Variants in FBXO42 observed in about 807,000 individuals in gnomAD.
FBXO42 encodes F-box protein 42.
A neutral mutation model predicts 71.7 loss-of-function variants in FBXO42; 12 were observed. The ratio of observed to expected loss-of-function variants is 0.17; its 90% confidence interval spans 0.11 to 0.27. The LOEUF is 0.27. FBXO42 is among the 10% of genes least tolerant of loss of function. FBXO42 has a pLI of 1.00. For missense variants in FBXO42, 707 were observed against 911.9 expected, an observed-to-expected ratio of 0.78 and a Z score of 2.89; for synonymous variants, 325 against 327.5, an observed-to-expected ratio of 0.99 and a Z score of 0.08.
At position 16,272,405 on chromosome 1, in the gene FBXO42, A is replaced by G. The variant is rs564174549; in HGVS notation, c.503-15646T>C. ...CTCCCGAGTAGCTGGGATTACAGGC[A>G]TGCACCACCACGCCCAGCTAATTTT... On this transcript the variant is annotated intron_variant, in intron 4 of 9. Transcript: ENST00000375592. 1.3e-4 allele frequency among the ~76,000 whole-genome samples: 19 copies of G among 151,748 alleles called. No homozygotes were observed. The South Asian group carries it at 3.8e-3, about 30-fold the overall frequency.
intron 1 of FBXO42, among the ~76,000 whole-genome samples, chr1:16,349,652 G>A (rs2082681705): frequency 6.6e-6 from 1 of 152,210 alleles, no homozygotes; most frequent in African/African-American, 2.4e-5. Flanking sequence ...CCTGCGGTCA[G>A]GAGTTCAAGA....
chr1:16,322,706 A>C (rs2082418613), intron 1 of FBXO42, among the ~76,000 whole-genome samples: 1 of 152,220 alleles, frequency 6.6e-6, no homozygotes, highest in Non-Finnish European at 1.5e-5. Context: ...TGAGACTGGA[A>C]GATGTGGCCA....
intron 3 of FBXO42, among the ~76,000 whole-genome samples, chr1:16,296,438 T>C (rs896651020): frequency 6.0e-5 from 9 of 149,916 alleles, no homozygotes; most frequent in African/African-American, 2.3e-4. Flanking sequence ...GATCATGAGG[T>C]CAGGAGTTCG....
chr1:16,256,508 A>G, intron 5 of FBXO42, 98 bp downstream of exon 5: 1 of 1,292,218 alleles, frequency 7.7e-7, no homozygotes, highest in Non-Finnish European at 1.1e-6. Context: ...ACAGCTTTCC[A>G]TCTAATTCTC....
At chr1:16,344,802 T>G (rs1054915825) in intron 1 of FBXO42, among the ~76,000 whole-genome samples, 1 of 152,214 alleles carries the variant, frequency 6.6e-6, no homozygotes, top group Non-Finnish European at 1.5e-5. Context: ...TTCTGATTTC[T>G]AATAATATTT....
chr1:16,351,375 A>G (rs1452995773), intron 1 of FBXO42, among the ~76,000 whole-genome samples: 1 of 152,242 alleles, frequency 6.6e-6, no homozygotes. Flanking sequence ...AGCAACTGCC[A>G]GCAAGTAAAA....
intron 1 of FBXO42, among the ~76,000 whole-genome samples, chr1:16,330,023 C>T (rs12131407): frequency 0.033 from 4,964 of 152,304 alleles, 136 homozygotes; most frequent in South Asian, 0.098. Flanking sequence ...GTTTTCCTCT[C>T]ACAGTAGTAG....
intron 1 of FBXO42, among the ~76,000 whole-genome samples, chr1:16,344,477 C>A (rs1205660577): frequency 7.0e-6 from 1 of 143,844 alleles, no homozygotes; most frequent in African/African-American, 2.6e-5. Flanking sequence ...TACCACCACA[C>A]CCAGCTAACT....
At position 16,287,303 on chromosome 1, in the gene FBXO42, A is replaced by G. The variant is rs1569862871; in HGVS notation, c.502+7480T>C. ...CTTGTACCCATCAAGTCCTTGTTCT[A>G]ATGTCGCCTTCTCTCTGATTCTCCT... On this transcript the variant is annotated intron_variant, in intron 4 of 9. Coordinates refer to ENST00000375592, the MANE Select transcript of FBXO42 (RefSeq NM_018994.3). Among the ~76,000 whole-genome samples, 4 of 151,774 alleles carry G rather than the reference A, an allele frequency of 2.6e-5. No individual in the cohort carries two copies. In the South Asian group the frequency reaches 8.3e-4, roughly 31 times the overall value.
intron 1 of FBXO42, among the ~76,000 whole-genome samples, chr1:16,347,194 A>G (rs1205757884): frequency 6.6e-6 from 1 of 152,144 alleles, no homozygotes; most frequent in African/African-American, 2.4e-5. Context: ...CTTTGAAGCA[A>G]AACACTGGAA....
At chr1:16,284,514 C>T (rs1417237867) in intron 4 of FBXO42, among the ~76,000 whole-genome samples, 1 of 152,132 alleles carries the variant, frequency 6.6e-6, no homozygotes, top group African/African-American at 2.4e-5. Context: ...CATCAGCATA[C>T]ATGTATGCTA....
chr1:16,310,134 C>T (rs895965367), intron 2 of FBXO42, among the ~76,000 whole-genome samples: 3 of 147,218 alleles, frequency 2.0e-5, no homozygotes, highest in African/African-American at 7.6e-5. Flanking sequence ...GAGGAGCTTG[C>T]AGTGAGCCGA....
At position 16,328,892 on chromosome 1, in the gene FBXO42, C is replaced by A. The variant is rs766678692; in HGVS notation, c.-17-13457G>T. Reference sequence around the variant, plus strand: ...GAAAATTGATGGGATTGGCCGGGTGCGGTGGCTCACGCCTGTAATCCCAGC... The same window carrying A: ...GAAAATTGATGGGATTGGCCGGGTGAGGTGGCTCACGCCTGTAATCCCAGC... On this transcript the variant is annotated intron_variant, in intron 1 of 9. Transcript: ENST00000375592. Among the ~76,000 whole-genome samples the A allele has an allele frequency of 5.3e-5, 8 of 152,066 alleles. No individual in the cohort carries two copies. In the East Asian group the frequency reaches 1.4e-3, roughly 26 times the overall value.
At chr1:16,331,142 G>A (rs1161022775) in intron 1 of FBXO42, among the ~76,000 whole-genome samples, 3 of 151,794 alleles carry the variant, frequency 2.0e-5, no homozygotes, top group East Asian at 2.0e-4. Context: ...GGCTGGGCAT[G>A]GTGGCTCACG....
intron 4 of FBXO42, among the ~76,000 whole-genome samples, chr1:16,285,323 G>C (rs978159387): frequency 6.6e-6 from 1 of 151,850 alleles, no homozygotes; most frequent in Non-Finnish European, 1.5e-5. Flanking sequence ...GCCCAGGCTG[G>C]AGTGCAATGG....
intron 4 of FBXO42, among the ~76,000 whole-genome samples, chr1:16,287,672 G>C (rs2082036162): frequency 6.6e-6 from 1 of 152,132 alleles, no homozygotes; most frequent in African/African-American, 2.4e-5. Flanking sequence ...TGGCCTCAGA[G>C]TGGCCTGGCC....
intron 3 of FBXO42, among the ~76,000 whole-genome samples, chr1:16,302,512 C>T (rs558277913): frequency 8.2e-4 from 124 of 152,094 alleles, no homozygotes; most frequent in African/African-American, 2.8e-3. Flanking sequence ...GAAACTGCCA[C>T]CTTTTTTTCT....
In FBXO42 at chr1:16,352,465, G is replaced by A. The variant is rs2082712668; in HGVS notation, c.-228C>T. ...GCCGCAGCTGCTGCTGCTCAGGCCGGGAGAAGACAGCGCAGAGCGCGCATG... is the reference window on the plus strand; with the variant it reads ...GCCGCAGCTGCTGCTGCTCAGGCCGAGAGAAGACAGCGCAGAGCGCGCATG... On this transcript the variant is annotated 5_prime_UTR_variant, in exon 1 of 10. Transcript: ENST00000375592. 5 of 397,464 alleles carry A rather than the reference G, an allele frequency of 1.3e-5. No individual in the cohort carries two copies. Among genetic ancestry groups the A allele is most frequent in the Non-Finnish European group, 2.2e-5 (5 of 225,320 alleles). The allele number at this position is 397,464 out of a possible 1,614,324, so 24.6% of individuals were successfully genotyped here. A position where few individuals can be genotyped will look rare whatever the true frequency, so the allele number is the denominator to read the frequency against.
At chr1:16,323,535 G>A (rs953859989) in intron 1 of FBXO42, among the ~76,000 whole-genome samples, 1 of 151,658 alleles carries the variant, frequency 6.6e-6, no homozygotes, top group Non-Finnish European at 1.5e-5. Flanking sequence ...AGTGGCTCAC[G>A]CCTGTAATCC....
Sources: allele counts gnomAD v4.1 joint callset (sites outside exome capture counted in the v4.1 genomes callset), GRCh38; gene constraint gnomAD v4.1.1; transcripts MANE v1.5; gene names NCBI Gene and HGNC (gene_info 2026-07-23, HGNC 2026-07-21).